The following NT5DC2 variants were observed in gnomAD, a reference collection of about 807,000 sequenced individuals.
NT5DC2 encodes 5'-nucleotidase domain containing 2.
Under a neutral mutation model 70.0 loss-of-function variants are expected in NT5DC2, and 41 were observed. That is an observed-to-expected ratio of 0.59 (90% CI 0.46 to 0.76). The LOEUF is 0.76. NT5DC2 is among the 30% of genes least tolerant of loss of function. The pLI is 0.00. For synonymous variants in NT5DC2, 299 were observed against 310.4 expected (o/e 0.96, Z 0.39); for missense variants, 705 against 783.2 (o/e 0.90, Z 1.19).
At chr3:52,534,680 G>C (rs2079405845), upstream of NT5DC2, 3 of 1,588,792 alleles carry the variant, frequency 1.9e-6, no homozygotes, top group Non-Finnish European at 2.6e-6. Flanking sequence ...CGTATTCCGA[G>C]CCCGCACGCA....
chr3:52,525,344 A>G, intron 10 of NT5DC2, 49 bp from the exon 11 acceptor site: 2 of 1,451,196 alleles, frequency 1.4e-6, no homozygotes, highest in Non-Finnish European at 9.6e-7. Context: ...CTTGTCCTCC[A>G]CCAGTCCTCC....
At position 52,527,332 on chromosome 3, in the gene NT5DC2, G is replaced by C; in HGVS notation, c.1081C>G (p.Arg361Gly). 1 of 1,614,114 alleles carries C rather than the reference G, an allele frequency of 6.2e-7. No homozygotes were observed. The highest frequency in any genetic ancestry group is 8.5e-7 in the Non-Finnish European group (1 of 1,180,008). ...TTGCCCTTTTCCAAGCGGGTGATCC[G>C]GTCCCACTGAAGTGAGCCCTTCTCA... is the stretch of plus-strand genomic sequence containing the variant. ...LDEKGSLQWD[R>G]ITRLEKGKIY... Residue 361 changes from arginine (R) to glycine (G), a missense_variant, in exon 10 of 14, where the codon CGG (arginine) becomes GGG (glycine). Physicochemically the swap from Arg to Gly is moderately radical, Grantham distance 125. Transcript: ENST00000422318.
At chr3:52,526,543 G>T (rs755136755) in intron 10 of NT5DC2, 1 of 152,300 alleles carries the variant, frequency 6.6e-6, no homozygotes, top group Non-Finnish European at 1.5e-5. Context: ...AGCCAGGTAG[G>T]AAGGAGGAGT....
rs374267338 is a variant in NT5DC2 at position 52,524,960 on chromosome 3, C to T, written c.1347+3G>A. ...GCCCTCCCACAGCCACCCCGGCCCACACCTGCATGCGCTCCAGCAGCCCCG... is the reference window on the plus strand; with the variant it reads ...GCCCTCCCACAGCCACCCCGGCCCATACCTGCATGCGCTCCAGCAGCCCCG... On this transcript the variant is annotated splice_donor_region_variant and intron_variant, in intron 12 of 13. Coordinates refer to ENST00000422318, the MANE Select transcript of NT5DC2 (RefSeq NM_001134231.2). 1.4e-5 allele frequency: 23 copies of T among 1,611,950 alleles called. No homozygotes were observed. The African/African-American group carries it at 1.7e-4, about 12-fold the overall frequency.
chr3:52,524,848 C>G lies in NT5DC2; in HGVS notation c.1381G>C (p.Ala461Pro). 3.7e-6 allele frequency: 6 copies of G among 1,612,736 alleles called. No individual in the cohort carries two copies. Among genetic ancestry groups the G allele is most frequent in the Non-Finnish European group, 5.1e-6 (6 of 1,180,018 alleles). ...YQDAESRQVL[A>P]AWMKERQELR... ...TCCTGCCGCTCTTTCATCCAGGCAG[C>G]CAGCACCTGCCTCGACTCCGCGTCC... Residue 461 changes from alanine (A) to proline (P), a missense_variant, in exon 13 of 14, where the codon GCT becomes CCT. Physicochemically the swap from Ala to Pro is conservative, Grantham distance 27 (BLOSUM62 -1). Transcript: ENST00000422318.
chr3:52,530,361 C>T (rs533443731), intron 1 of NT5DC2, among the ~76,000 whole-genome samples: 9 of 152,212 alleles, frequency 5.9e-5, no homozygotes, highest in African/African-American at 2.2e-4. Flanking sequence ...CTGAGAGGCC[C>T]CATGTTACCT....
At position 52,533,661 on chromosome 3, in the gene NT5DC2, G is replaced by A. The variant is rs1303164372; in HGVS notation, c.77C>T (p.Ser26Leu). Residue 26 changes from serine to leucine, a missense_variant, in exon 1 of 14, where the codon TCG (serine) becomes TTG (leucine). Ser to Leu is a moderately radical substitution (Grantham distance 145). Coordinates refer to ENST00000422318, the MANE Select transcript of NT5DC2 (RefSeq NM_001134231.2). The part of the protein sequence containing the change: ...CGGHGGPRAA[S>L]SSPSCPGCGP... ...GCACCCAGGGCAGGAGGGCGAGGAC[G>A]AGGCGGCTCGCGGCCCGCCGTGGCC... The A allele has an allele frequency of 8.6e-7, 1 of 1,157,190 alleles. No homozygotes were observed. The highest frequency in any genetic ancestry group is 4.0e-5 in the East Asian group (1 of 24,788). The allele number at this position is 1,157,190 out of a possible 1,614,324, so 71.7% of individuals were successfully genotyped here.
At chr3:52,534,793 T>C (rs749348591), upstream of NT5DC2, 13 of 1,036,374 alleles carry the variant, frequency 1.3e-5, no homozygotes, top group African/African-American at 1.8e-4. Flanking sequence ...GTGGCCGCGC[T>C]GTCTTTCAGG....
chr3:52,528,775 G>C (rs1226986374), intron 3 of NT5DC2, 83 bp from the exon 4 acceptor site: 1 of 1,600,170 alleles, frequency 6.2e-7, no homozygotes, highest in Admixed American at 1.7e-5. Context: ...GCCCATGCCA[G>C]AACCCCAGCT....
chr3:52,527,591 C>T, intron 9 of NT5DC2, 26 bp downstream of exon 9: 1 of 1,609,360 alleles, frequency 6.2e-7, no homozygotes, highest in Non-Finnish European at 8.5e-7. Flanking sequence ...CCTTCCCTGG[C>T]CCTGCAACCC....
Position 52,524,542 on chromosome 3 carries a change from G to A in NT5DC2, c.1602C>T (p.Pro534=). Residue 534 remains proline, a synonymous_variant, in exon 14 of 14, where the codon CCC becomes CCT. Coordinates refer to ENST00000422318, the MANE Select transcript of NT5DC2 (RefSeq NM_001134231.2). ...PRRTPLQHEA[P]LWMDQLCTGC... ...CGGTGCAGAGCTGGTCCATCCAGAGGGGTGCCTCGTGCTGCAGCGGCGTAC... is the reference window on the plus strand; with the variant it reads ...CGGTGCAGAGCTGGTCCATCCAGAGAGGTGCCTCGTGCTGCAGCGGCGTAC... 1 of 1,613,118 alleles carries A rather than the reference G, an allele frequency of 6.2e-7. No individual in the cohort carries two copies. The highest frequency in any genetic ancestry group is 8.5e-7 in the Non-Finnish European group (1 of 1,180,036).
rs148121286 is a variant in NT5DC2 at position 52,529,180 on chromosome 3, G to A, written c.387C>T (p.Thr129=). The A allele has an allele frequency of 3.2e-5, 51 of 1,613,990 alleles. No individual in the cohort carries two copies. Among genetic ancestry groups the A allele is most frequent in the Non-Finnish European group, 4.2e-5 (49 of 1,180,000 alleles). ...AGTGCTCGATCAGGATGTCACGGGC[G>A]GTACTGAAGATCTCGGGGTGCAGTG... ...ADALHPEIFS[T]ARDILIEHYK... The change falls in exon 2 of 14, where the codon ACC becomes ACT. Residue 129 remains threonine (T), a synonymous_variant. Transcript: ENST00000422318. This position sits in a 1 kb window ranked among gnomAD's most constrained non-coding sequence, Gnocchi z 4.1.
Position 52,531,761 on chromosome 3 carries a change from C to G in NT5DC2, c.232+1745G>C, listed in dbSNP as rs1001385100. 2.0e-5 allele frequency among the ~76,000 whole-genome samples: 3 copies of G among 152,112 alleles called. No individual in the cohort carries two copies. The highest frequency in any genetic ancestry group is 2.9e-5 in the Non-Finnish European group (2 of 68,018). On this transcript the variant is annotated intron_variant, in intron 1 of 13. Transcript: ENST00000422318. The surrounding 1 kb of genome is among the most constrained non-coding windows in gnomAD (Gnocchi z 4.1). Reference sequence around the variant, plus strand: ...TTTCTCCTCAGCCCTAGCTCCCACACCTGCCCATGGTGCCAGGTCCCAGGG... The same window carrying G: ...TTTCTCCTCAGCCCTAGCTCCCACAGCTGCCCATGGTGCCAGGTCCCAGGG...
rs369145735 is a variant in NT5DC2, at chr3:52,528,414, T to A, written c.642+32A>T. On this transcript the variant is annotated intron_variant, in intron 5 of 13. Transcript: ENST00000422318. ...GCCTTGGGACATGGGCACATGTCCATGGGGCAGGCTGGCTGCTGGGGTATG... is the reference window on the plus strand; with the variant it reads ...GCCTTGGGACATGGGCACATGTCCAAGGGGCAGGCTGGCTGCTGGGGTATG... 7.4e-6 allele frequency: 12 copies of A among 1,612,522 alleles called. No individual in the cohort carries two copies. The African/African-American group carries it at 1.6e-4, about 22-fold the overall frequency.
chr3:52,527,425 G>C (rs59410274), intron 9 of NT5DC2, 50 bp from the exon 10 acceptor site: 22,012 of 1,588,254 alleles, frequency 0.014, 842 homozygotes, highest in African/African-American at 0.14. Flanking sequence ...TGGGCCACGG[G>C]CCGGGCAACC....
In NT5DC2 at chr3:52,533,712, G is replaced by A. The variant is rs1477592435; in HGVS notation, c.26C>T (p.Ala9Val). The A allele has an allele frequency of 3.0e-6, 3 of 1,000,450 alleles. No individual in the cohort carries two copies. The highest frequency in any genetic ancestry group is 3.5e-5 in the African/African-American group (2 of 56,990). The allele number at this position is 1,000,450 out of a possible 1,614,324, so 62.0% of individuals were successfully genotyped here. A position where few individuals can be genotyped will look rare whatever the true frequency, so the allele number is the denominator to read the frequency against. Residue 9 changes from alanine (A) to valine (V), a missense_variant, in exon 1 of 14, where the codon GCC (alanine) becomes GTC (valine). Transcript: ENST00000422318. Reference protein sequence around the residue: MAGAGLRAAARRWLLCGGH... With the variant: MAGAGLRAVARRWLLCGGH... The stretch of plus-strand genomic sequence containing the variant: ...TCCGCACAGCAGCCAGCGCCGAGCG[G>A]CCGCCCGCAGCCCCGCACCCGCCAT...
At chr3:52,532,260 TGTCCAGTAGATCCCCGTA>T in intron 1 of NT5DC2, 1 of 985,350 alleles carries the variant, frequency 1.0e-6, no homozygotes, top group Non-Finnish European at 1.2e-6. Context: ...AGGAGGACAA[TGTCCAGTAGATCCCCGTA>T]GTCCTCCCTG....
Position 52,528,069 on chromosome 3 carries a change from G to A in NT5DC2, c.776C>T (p.Ala259Val). ...GCCCTTCACATGCACGTCTCGGATG[G>A]CGTCCTGGGGGCAGTGGAGGACAAT... The part of the protein sequence containing the change: ...QAHLYKDVTD[A>V]IRDVHVKGLM... Residue 259 changes from alanine (A) to valine (V), a missense_variant, in exon 7 of 14, where the codon GCC becomes GTC. Transcript: ENST00000422318. 2 of 1,612,392 alleles carry A rather than the reference G, an allele frequency of 1.2e-6. No homozygotes were observed. The highest frequency in any genetic ancestry group is 1.3e-5 in the African/African-American group (1 of 75,050).
Position 52,529,361 on chromosome 3 carries a change from G to C in NT5DC2, c.233-27C>G. The C allele has an allele frequency of 6.2e-7, 1 of 1,606,898 alleles. No homozygotes were observed. Among genetic ancestry groups the C allele is most frequent in the South Asian group, 1.1e-5 (1 of 90,636 alleles). On this transcript the variant is annotated intron_variant, in intron 1 of 13. Transcript: ENST00000422318. The surrounding 1 kb of genome is among the most constrained non-coding windows in gnomAD (Gnocchi z 4.1). ...TAGAGGAAGGAGATGCAGGGAGGCA[G>C]TGATGGGGATGATGATCCCTGCAGC...
Sources: gnomAD v4.1 joint callset for allele counts (sites outside exome capture counted in the v4.1 genomes callset) on GRCh38, gnomAD v4.1.1 for gene constraint, Gnocchi (gnomAD v3.1) non-coding constraint, MANE v1.5 for transcripts, NCBI Gene and HGNC (gene_info 2026-07-23, HGNC 2026-07-21) for gene names.